The following MARCHF1 variants were observed in gnomAD, a reference collection of about 807,000 sequenced individuals.
The protein encoded by MARCHF1 is E3 ubiquitin-protein ligase MARCHF1.
Under a neutral mutation model 54.2 loss-of-function variants are expected in MARCHF1, and 40 were observed. The ratio of observed to expected loss-of-function variants is 0.74; its 90% confidence interval spans 0.57 to 0.96. The LOEUF (loss-of-function observed/expected upper bound fraction) is 0.96, where lower values mean the gene tolerates loss of function less well. MARCHF1 is among the 40% of genes least tolerant of loss of function. The probability of loss-of-function intolerance (pLI) is 0.00; values close to 1 mark genes in which losing one functional copy is unlikely to be tolerated. For synonymous variants in MARCHF1, 236 were observed against 236.3 expected, an observed-to-expected ratio of 1.00 and a Z score of 0.01; for missense variants, 586 against 656.5, an observed-to-expected ratio of 0.89 and a Z score of 1.17.
chr4:164,035,633 C>CAAAAAAAAAAAAAAAAAAAA (rs34846855), intron 2 of MARCHF1, among the ~76,000 whole-genome samples: 1 of 144,220 alleles, frequency 6.9e-6, no homozygotes, highest in Non-Finnish European at 1.5e-5. Flanking sequence ...ATAAAGAATA[C>CAAAAAAAAAAAAAAAAAAAA]AAAAAAAAAA....
intron 1 of MARCHF1, among the ~76,000 whole-genome samples, chr4:164,264,229 T>G (rs1215533884): frequency 6.6e-6 from 1 of 152,154 alleles, no homozygotes; most frequent in Non-Finnish European, 1.5e-5. Flanking sequence ...AGCAAACTAA[T>G]GCAGGAACAG....
chr4:164,034,171 C>T (rs1159660022), intron 2 of MARCHF1, among the ~76,000 whole-genome samples: 1 of 151,994 alleles, frequency 6.6e-6, no homozygotes, highest in Admixed American at 6.6e-5. Flanking sequence ...AATGAGATCA[C>T]GTGTTTGCAG....
At chr4:163,822,349 C>T (rs1399139489) in intron 4 of MARCHF1, among the ~76,000 whole-genome samples, 1 of 151,832 alleles carries the variant, frequency 6.6e-6, no homozygotes, top group Non-Finnish European at 1.5e-5. Context: ...GTTAAAAACA[C>T]CACTGCAATC....
At chr4:163,859,446 G>A (rs1749862419) in intron 3 of MARCHF1, among the ~76,000 whole-genome samples, 1 of 146,834 alleles carries the variant, frequency 6.8e-6, no homozygotes, top group Non-Finnish European at 1.5e-5. Context: ...TGCAACCTCT[G>A]CCTCCCAGGT....
Position 163,913,587 on chromosome 4 carries a change from C to T in MARCHF1, c.-38-59418G>A, listed in dbSNP as rs115829759. ...CCCTCACCCTCATCCATAATTTGCA[C>T]TAAAATGATGGTATTTAAGCCTGTG... On this transcript the variant is annotated intron_variant, in intron 3 of 9. Coordinates refer to ENST00000514618, the MANE Select transcript of MARCHF1 (RefSeq NM_001394959.1). Among the ~76,000 whole-genome samples, 321 of 152,210 alleles carry T rather than the reference C, an allele frequency of 2.1e-3. 1 individual carries two copies. The highest frequency in any genetic ancestry group is 3.5e-3 in the Non-Finnish European group (238 of 68,012).
intron 4 of MARCHF1, among the ~76,000 whole-genome samples, chr4:163,764,377 T>C (rs568442322): frequency 2.6e-5 from 4 of 152,198 alleles, no homozygotes; most frequent in African/African-American, 9.6e-5. Flanking sequence ...TTGAAGTATT[T>C]TCAGTGGCTA....
intron 1 of MARCHF1, among the ~76,000 whole-genome samples, chr4:164,285,072 TATA>T (rs1294093027): frequency 6.6e-6 from 1 of 152,204 alleles, no homozygotes; most frequent in Non-Finnish European, 1.5e-5. Flanking sequence ...AGAAATATTT[TATA>T]ATAAGAAACT....
intron 1 of MARCHF1, among the ~76,000 whole-genome samples, chr4:164,250,423 T>C (rs1733091345): frequency 6.6e-6 from 1 of 152,120 alleles, no homozygotes; most frequent in African/African-American, 2.4e-5. Flanking sequence ...CTGTGAAATA[T>C]AAACCTTGAA....
chr4:164,036,657 A>T (rs991134415), intron 2 of MARCHF1, among the ~76,000 whole-genome samples: 3 of 152,198 alleles, frequency 2.0e-5, no homozygotes, highest in Non-Finnish European at 4.4e-5. Flanking sequence ...AATTACAGAC[A>T]ATTCATGAAA....
intron 7 of MARCHF1, 51 bp from the exon 8 acceptor site, chr4:163,585,980 G>A (rs369711252): frequency 1.0e-5 from 15 of 1,505,274 alleles, no homozygotes; most frequent in Admixed American, 4.1e-5. Flanking sequence ...AACATTTCTC[G>A]CCTGTGTTAT....
chr4:163,660,063 A>T (rs1743291106), intron 5 of MARCHF1, among the ~76,000 whole-genome samples: 1 of 152,142 alleles, frequency 6.6e-6, no homozygotes. Flanking sequence ...GTATATACCC[A>T]AAGAATTATA....
intron 3 of MARCHF1, among the ~76,000 whole-genome samples, chr4:163,925,449 T>A (rs941368518): frequency 2.6e-5 from 4 of 151,854 alleles, no homozygotes; most frequent in Non-Finnish European, 5.9e-5. Flanking sequence ...ATGCAATAGT[T>A]ATCTAACAAT....
intron 4 of MARCHF1, among the ~76,000 whole-genome samples, chr4:163,843,265 T>G (rs899856438): frequency 1.1e-4 from 16 of 152,178 alleles, no homozygotes; most frequent in Non-Finnish European, 2.1e-4. Context: ...CAATACACCA[T>G]TGATGGGTAT....
At chr4:163,772,320 A>T (rs1747185279) in intron 4 of MARCHF1, among the ~76,000 whole-genome samples, 1 of 152,182 alleles carries the variant, frequency 6.6e-6, no homozygotes, top group Non-Finnish European at 1.5e-5. Context: ...AACCCAGGGT[A>T]TATTAGTTTT....
chr4:164,161,338 A>G (rs1335691083), intron 1 of MARCHF1, among the ~76,000 whole-genome samples: 3 of 152,148 alleles, frequency 2.0e-5, no homozygotes, highest in African/African-American at 7.2e-5. Context: ...AGGCCTCCCC[A>G]GAAGCCAAAT....
At chr4:163,600,165 CACATATATAAATTTATAT>C (rs1016666951) in intron 7 of MARCHF1, among the ~76,000 whole-genome samples, 2 of 151,906 alleles carry the variant, frequency 1.3e-5, no homozygotes, top group South Asian at 2.1e-4. Context: ...TTTATATACA[CACATATATAAATTTATAT>C]ACATATATAA....
chr4:163,579,756 C>T (rs932068746), intron 8 of MARCHF1, among the ~76,000 whole-genome samples: 24 of 152,128 alleles, frequency 1.6e-4, no homozygotes, highest in South Asian at 2.1e-4. Flanking sequence ...AGCTATACTA[C>T]GGGAGAAATT....
intron 4 of MARCHF1, among the ~76,000 whole-genome samples, chr4:163,718,304 G>T (rs1230353687): frequency 2.0e-5 from 3 of 152,066 alleles, no homozygotes; most frequent in African/African-American, 7.2e-5. Flanking sequence ...TTGACAAATG[G>T]GATCTAATTA....
At chr4:163,956,256 C>CT (rs1263378213) in intron 3 of MARCHF1, among the ~76,000 whole-genome samples, 2 of 152,080 alleles carry the variant, frequency 1.3e-5, no homozygotes, top group Non-Finnish European at 2.9e-5. Context: ...GCTAGATTTC[C>CT]TAAGTCATTT....
Sources: allele counts gnomAD v4.1 joint callset (sites outside exome capture counted in the v4.1 genomes callset), GRCh38; gene constraint gnomAD v4.1.1; transcripts MANE v1.5; gene names NCBI Gene and HGNC (gene_info 2026-07-23, HGNC 2026-07-21).